Variants in TOX observed in about 807,000 individuals in gnomAD.
TOX encodes thymocyte selection associated high mobility group box, also known as thymocyte selection-associated high mobility group box protein TOX.
TOX carries 11 observed loss-of-function variants against 53.7 expected under a neutral mutation model. That is an observed-to-expected ratio of 0.20 (90% CI 0.13 to 0.34). The LOEUF (loss-of-function observed/expected upper bound fraction) is 0.34, where lower values mean the gene tolerates loss of function less well. Among genes scored for constraint, TOX ranks in the 10% least tolerant of loss-of-function variants. TOX has a pLI of 1.00. For synonymous variants in TOX, 225 were observed against 245.3 expected (o/e 0.92, Z 0.77); for missense variants, 570 against 664.6 (o/e 0.86, Z 1.56).
Position 59,117,911 on chromosome 8 carries a change from C to T in TOX, c.102+975G>A, listed in dbSNP as rs1442818515. On this transcript the variant is annotated intron_variant, in intron 1 of 8. Coordinates refer to ENST00000361421, the MANE Select transcript of TOX (RefSeq NM_014729.3). The surrounding 1 kb of genome is among the most constrained non-coding windows in gnomAD (Gnocchi z 4.6). ...CTAGGCGTGGGCAGTCGTGCCCCTG[C>T]GACCACTCTGGGGGACCGGTCCCTG... 6.6e-6 allele frequency among the ~76,000 whole-genome samples: 1 copy of T among 152,242 alleles called. No individual in the cohort carries two copies. The highest frequency in any genetic ancestry group is 1.9e-4 in the East Asian group (1 of 5,192).
At chr8:59,096,123 T>C (rs1482416164) in intron 1 of TOX, among the ~76,000 whole-genome samples, 1 of 152,228 alleles carries the variant, frequency 6.6e-6, no homozygotes, top group Non-Finnish European at 1.5e-5. Flanking sequence ...TTGCTTCTTA[T>C]CAAATTACTA....
intron 1 of TOX, among the ~76,000 whole-genome samples, chr8:58,961,851 C>A (rs961159758): frequency 6.6e-6 from 1 of 152,146 alleles, no homozygotes; most frequent in African/African-American, 2.4e-5. Context: ...CAGCCCCAAC[C>A]AATCTGCCTG....
At chr8:58,865,693 A>G (rs1356030462) in intron 3 of TOX, among the ~76,000 whole-genome samples, 1 of 152,166 alleles carries the variant, frequency 6.6e-6, no homozygotes, top group Admixed American at 6.5e-5. Context: ...AGAAAATATG[A>G]GTCAGCTAAT....
chr8:58,970,283 T>A (rs867161089), intron 1 of TOX, among the ~76,000 whole-genome samples: 6 of 152,278 alleles, frequency 3.9e-5, no homozygotes, highest in South Asian at 2.1e-4. Context: ...TCACTCTACA[T>A]TTTATCCTTG....
intron 1 of TOX, among the ~76,000 whole-genome samples, chr8:59,098,932 A>C (rs1026813162): frequency 3.3e-5 from 5 of 152,184 alleles, no homozygotes; most frequent in Non-Finnish European, 7.4e-5. Context: ...AATTAAAAAG[A>C]GTGAAGTTTT....
chr8:59,054,628 G>T (rs780363059), intron 1 of TOX, among the ~76,000 whole-genome samples: 2 of 151,988 alleles, frequency 1.3e-5, no homozygotes, highest in African/African-American at 4.8e-5. Flanking sequence ...ATAGTTCTGA[G>T]AATTATATTA....
At chr8:59,046,805 G>A (rs1296550588) in intron 1 of TOX, among the ~76,000 whole-genome samples, 2 of 122,532 alleles carry the variant, frequency 1.6e-5, no homozygotes, top group Non-Finnish European at 3.2e-5. Context: ...GTTGCAGTAA[G>A]CCAAGATTGT....
At position 58,815,531 on chromosome 8, in the gene TOX, G is replaced by A. The variant is rs138337223; in HGVS notation, c.1199C>T (p.Pro400Leu). The A allele has an allele frequency of 4.7e-4, 751 of 1,614,078 alleles. 1 individual carries two copies. Among genetic ancestry groups the A allele is most frequent in the Admixed American group, 6.5e-4 (39 of 60,022 alleles). ...PSLPRNIAPK[P>L]NNQMPVTVSI... ...GACAGTCACTGGCATTTGGTTATTC[G>A]GCTTGGGGGCTATGTTCCTGGGGAG... Residue 400 changes from proline to leucine, a missense_variant, in exon 7 of 9, where the codon CCG becomes CTG. This residue lies in a region of TOX where 239 missense variants were observed against 250.7 expected (regional missense o/e 0.95). Transcript: ENST00000361421.
chr8:59,092,273 A>ATATATATATATATATTATATATACAT (rs1804625683), intron 1 of TOX, among the ~76,000 whole-genome samples: 1 of 113,748 alleles, frequency 8.8e-6, no homozygotes, highest in Non-Finnish European at 1.6e-5. Flanking sequence ...TTTTATATAT[A>ATATATATATATATATTATATATACAT]TATATATATT....
intron 1 of TOX, among the ~76,000 whole-genome samples, chr8:58,963,182 C>A (rs1473091042): frequency 2.0e-5 from 3 of 152,204 alleles, no homozygotes; most frequent in African/African-American, 7.2e-5. Context: ...TCTGGAACTA[C>A]ACCATCGGTT....
At chr8:59,022,877 T>G (rs1814162270) in intron 1 of TOX, among the ~76,000 whole-genome samples, 1 of 152,124 alleles carries the variant, frequency 6.6e-6, no homozygotes. Context: ...TCTTGAAGGA[T>G]GACAGCAAAA....
chr8:58,932,062 A>C (rs1411799036), intron 3 of TOX, among the ~76,000 whole-genome samples: 1 of 152,174 alleles, frequency 6.6e-6, no homozygotes, highest in African/African-American at 2.4e-5. Context: ...TGTTTTGTGC[A>C]AACAAAGATC....
At chr8:58,968,403 T>G (rs931886223) in intron 1 of TOX, among the ~76,000 whole-genome samples, 4 of 152,222 alleles carry the variant, frequency 2.6e-5, no homozygotes, top group African/African-American at 9.6e-5. Context: ...TGTAAAACTA[T>G]ACCGTATAGT....
intron 1 of TOX, among the ~76,000 whole-genome samples, chr8:59,086,855 T>C (rs1275190982): frequency 1.3e-5 from 2 of 152,222 alleles, no homozygotes; most frequent in Non-Finnish European, 2.9e-5. Flanking sequence ...AACTGACACA[T>C]TTATTTCTTG....
chr8:58,946,430 A>G (rs1812522848), intron 2 of TOX, among the ~76,000 whole-genome samples: 1 of 152,162 alleles, frequency 6.6e-6, no homozygotes, highest in East Asian at 1.9e-4. Context: ...TTGTCTCTGC[A>G]TGAACAAGGG....
intron 1 of TOX, among the ~76,000 whole-genome samples, chr8:59,074,353 G>C (rs1173986359): frequency 6.6e-6 from 1 of 152,128 alleles, no homozygotes; most frequent in Non-Finnish European, 1.5e-5. Flanking sequence ...AGAAAAAGAA[G>C]CAGATGAAGA....
chr8:58,918,879 A>G (rs1217605620), intron 3 of TOX, among the ~76,000 whole-genome samples: 1 of 151,370 alleles, frequency 6.6e-6, no homozygotes, highest in Non-Finnish European at 1.5e-5. Flanking sequence ...AAATCAATGT[A>G]CAAAAATCAC....
At chr8:58,857,095 G>A (rs1362688303) in intron 3 of TOX, among the ~76,000 whole-genome samples, 2 of 152,180 alleles carry the variant, frequency 1.3e-5, no homozygotes, top group Non-Finnish European at 2.9e-5. Flanking sequence ...TTGGCACGTA[G>A]TAGGAACTCA....
At chr8:59,043,201 C>CTGTGTGTGTGTGTG (rs10660376) in intron 1 of TOX, among the ~76,000 whole-genome samples, 112 of 147,996 alleles carry the variant, frequency 7.6e-4, no homozygotes, top group African/African-American at 2.6e-3. Flanking sequence ...ACTTTCTTTT[C>CTGTGTGTGTGTGTG]TGTGTGTGTG....
Sources: gnomAD v4.1 joint callset for allele counts (sites outside exome capture counted in the v4.1 genomes callset) on GRCh38, gnomAD v4.1.1 for gene constraint, gnomAD v4.1.1 regional missense constraint, Gnocchi (gnomAD v3.1) non-coding constraint, MANE v1.5 for transcripts, NCBI Gene and HGNC (gene_info 2026-07-23, HGNC 2026-07-21) for gene names.